The following PRCD variants were observed in gnomAD, a reference collection of about 807,000 sequenced individuals.
The protein encoded by PRCD is photoreceptor disc component.
A neutral mutation model predicts 10.1 loss-of-function variants in PRCD; 12 were observed. The observed-to-expected ratio is 1.18, with a 90% confidence interval of 0.76 to 1.92. The LOEUF (loss-of-function observed/expected upper bound fraction) is 1.92. Ranked by LOEUF, PRCD falls within the 40% of genes most tolerant of loss-of-function variation. The pLI is 0.00. For missense variants in PRCD, 61 were observed against 72.2 expected (o/e 0.84, Z 0.56); for synonymous variants, 31 against 26.2 (o/e 1.18, Z -0.56).
rs1485708148 is a variant in PRCD at position 76,544,777 on chromosome 17, T to C, written c.*1127T>C. 1 of 456,814 alleles carries C rather than the reference T, an allele frequency of 2.2e-6. No homozygotes were observed. Among genetic ancestry groups the C allele is most frequent in the East Asian group, 6.9e-5 (1 of 14,404 alleles). The allele number at this position is 456,814 out of a possible 1,614,324, so 28.3% of individuals were successfully genotyped here. ...CTCTATTTGCCATGTTCCTGTCACC[T>C]CATCCTTGCTGCCATTTCCGAGTTG... On this transcript the variant is annotated 3_prime_UTR_variant, in exon 5 of 5. Transcript: ENST00000592014.
Position 76,531,036 on chromosome 17 carries a change from T to C in PRCD, n.45+3203T>C, listed in dbSNP as rs147352008. 5 of 1,613,660 alleles carry C rather than the reference T, an allele frequency of 3.1e-6. No individual in the cohort carries two copies. Among genetic ancestry groups the C allele is most frequent in the Non-Finnish European group, 3.4e-6 (4 of 1,179,894 alleles). Reference sequence around the variant, plus strand: ...CACTTCCTTGTAGGCAGCGGTCACGTGGCTGTAGATGAGGCCACGCAGCTT... The same window carrying C: ...CACTTCCTTGTAGGCAGCGGTCACGCGGCTGTAGATGAGGCCACGCAGCTT... On this transcript the variant is annotated intron_variant and non_coding_transcript_variant, in intron 1 of 4. Transcript: ENST00000397633. The surrounding 1 kb of genome is among the most constrained non-coding windows in gnomAD (Gnocchi z 7.4).
In PRCD at chr17:76,542,653, C is replaced by G. The variant is rs780098653; in HGVS notation, c.*59+20C>G. 3 of 1,533,482 alleles carry G rather than the reference C, an allele frequency of 2.0e-6. No individual in the cohort carries two copies. The highest frequency in any genetic ancestry group is 1.4e-5 in the African/African-American group (1 of 73,394). 95.0% of individuals were successfully genotyped at this position (1,533,482 alleles called of 1,614,324 possible). ...AGGCAGGTAGGGCAGGGCTGGGAGC[C>G]GGGGAGGGCAGAGGGCAAGGCTTGG... On this transcript the variant is annotated intron_variant, in intron 3 of 4. Transcript: ENST00000592014.
downstream of PRCD, chr17:76,545,420 G>A (rs983741689): frequency 1.3e-5 from 6 of 455,734 alleles, no homozygotes; most frequent in Admixed American, 9.4e-5. Context: ...CTTGCAAAGA[G>A]CCGCTGCTTG....
Position 76,528,454 on chromosome 17 carries a change from G to T in PRCD, n.45+621G>T. The T allele has an allele frequency of 1.1e-6, 1 of 948,456 alleles. No individual in the cohort carries two copies. Among genetic ancestry groups the T allele is most frequent in the Non-Finnish European group, 1.4e-6 (1 of 710,494 alleles). 58.8% of individuals were successfully genotyped at this position (948,456 alleles called of 1,614,324 possible). A position where few individuals can be genotyped will look rare whatever the true frequency, so the allele number is the denominator to read the frequency against. ...CCTGGCCGCCACAGAGGCCTCCTTC[G>T]GGGAAGTTGAGTCAGGGATTCCTCC... On this transcript the variant is annotated intron_variant and non_coding_transcript_variant, in intron 1 of 4. Coordinates refer to the PRCD transcript ENST00000397633. The surrounding 1 kb of genome is among the most constrained non-coding windows in gnomAD (Gnocchi z 5.8).
chr17:76,528,118 GTGTATATATATA>G lies in PRCD; in HGVS notation n.45+299_45+310del, dbSNP rs1394691252. ...GGATACACATTCTAGATATGTATGT[GTGTATATATATA>G]TGTATATATATATTTATATATAGCT... On this transcript the variant is annotated intron_variant and non_coding_transcript_variant, in intron 1 of 4. Transcript: ENST00000397633. This position sits in a 1 kb window ranked among gnomAD's most constrained non-coding sequence, Gnocchi z 5.8. The G allele has an allele frequency of 5.0e-6, 2 of 402,692 alleles. No homozygotes were observed. Among genetic ancestry groups the G allele is most frequent in the Non-Finnish European group, 8.8e-6 (2 of 227,672 alleles). 24.9% of individuals were successfully genotyped at this position (402,692 alleles called of 1,614,324 possible).
At chr17:76,538,332 G>A (rs1598209388), upstream of PRCD, 1 of 327,492 alleles carries the variant, frequency 3.1e-6, no homozygotes, top group South Asian at 2.2e-5. Context: ...GGTTAGCACG[G>A]GGGTCGTCCC....
At chr17:76,536,917 T>C (rs1175657541), upstream of PRCD, among the ~76,000 whole-genome samples, 2 of 152,152 alleles carry the variant, frequency 1.3e-5, no homozygotes, top group East Asian at 3.8e-4. Context: ...CAACCTCTGC[T>C]CTTTGCTCTC....
chr17:76,532,277 C>T (rs543960423), intron 1 of PRCD, among the ~76,000 whole-genome samples: 42 of 152,314 alleles, frequency 2.8e-4, no homozygotes, highest in Middle Eastern at 6.8e-3. Flanking sequence ...CCTGGCTCAG[C>T]GGCTTTACTT....
intron 1 of PRCD, chr17:76,529,531 T>A (rs1021725587): frequency 1.0e-6 from 1 of 985,448 alleles, no homozygotes; most frequent in East Asian, 1.1e-4. Context: ...CAGCCAGCTC[T>A]CTTTCCAGTC....
Position 76,531,199 on chromosome 17 carries a change from C to T in PRCD, n.45+3366C>T. 6.4e-7 allele frequency: 1 copy of T among 1,550,400 alleles called. No individual in the cohort carries two copies. Among genetic ancestry groups the T allele is most frequent in the Non-Finnish European group, 8.8e-7 (1 of 1,135,796 alleles). On this transcript the variant is annotated intron_variant and non_coding_transcript_variant, in intron 1 of 4. Transcript: ENST00000397633. The surrounding 1 kb of genome is among the most constrained non-coding windows in gnomAD (Gnocchi z 7.4). ...GCCCGGGCGCCCTGCGTCCTGCAAC[C>T]CCCAGGCCCCTCCGCCCCACGTGTG... is the stretch of plus-strand genomic sequence containing the variant.
At chr17:76,547,921 CAT>C (rs1262566210), downstream of PRCD, among the ~76,000 whole-genome samples, 5 of 146,040 alleles carry the variant, frequency 3.4e-5, no homozygotes, top group East Asian at 2.0e-4. Flanking sequence ...TTCACACACA[CAT>C]ACACATATAC....
chr17:76,543,779 T>G (rs2075019848), intron 4 of PRCD, 24 bp from the exon 5 acceptor site: 1 of 470,632 alleles, frequency 2.1e-6, no homozygotes, highest in Non-Finnish European at 4.4e-6. Flanking sequence ...GGCACTCGCT[T>G]TTGTGTCATT....
At chr17:76,534,050 G>GAT (rs923858520) in intron 1 of PRCD, among the ~76,000 whole-genome samples, 1 of 151,732 alleles carries the variant, frequency 6.6e-6, no homozygotes, top group African/African-American at 2.4e-5. Flanking sequence ...TAATAACAAT[G>GAT]ATATATATAT....
intron 4 of PRCD, chr17:76,543,430 T>C (rs1365698248): frequency 3.0e-6 from 1 of 336,984 alleles, no homozygotes; most frequent in Non-Finnish European, 5.8e-6. Flanking sequence ...ATAGCTCACA[T>C]TTACTAAGCA....
At chr17:76,535,655 A>G (rs1171367111), upstream of PRCD, among the ~76,000 whole-genome samples, 7 of 152,162 alleles carry the variant, frequency 4.6e-5, no homozygotes. Context: ...CCCCTCTAAG[A>G]GACAGGAGTG....
In PRCD at chr17:76,531,237, A is replaced by G. The variant is rs1015466660; in HGVS notation, n.45+3404A>G. On this transcript the variant is annotated intron_variant and non_coding_transcript_variant, in intron 1 of 4. Coordinates refer to the PRCD transcript ENST00000397633. This position sits in a 1 kb window ranked among gnomAD's most constrained non-coding sequence, Gnocchi z 7.4. ...CGCCCCACGTGTGGCCGAGAGGATC[A>G]TTCCTAACGCAACAGTCTGGCAGCT... 4 of 1,382,036 alleles carry G rather than the reference A, an allele frequency of 2.9e-6. No homozygotes were observed. The highest frequency in any genetic ancestry group is 4.0e-6 in the Non-Finnish European group (4 of 1,007,914). 85.6% of individuals were successfully genotyped at this position (1,382,036 alleles called of 1,614,324 possible).
Position 76,545,368 on chromosome 17 carries a change from G to A in PRCD, c.*1718G>A, listed in dbSNP as rs2075044451. 2.2e-6 allele frequency: 1 copy of A among 456,560 alleles called. No individual in the cohort carries two copies. The highest frequency in any genetic ancestry group is 4.4e-6 in the Non-Finnish European group (1 of 226,970). The allele number at this position is 456,560 out of a possible 1,614,324, so 28.3% of individuals were successfully genotyped here. A position where few individuals can be genotyped will look rare whatever the true frequency, so the allele number is the denominator to read the frequency against. On this transcript the variant is annotated 3_prime_UTR_variant, in exon 5 of 5. Transcript: ENST00000592014. ...AATGGGGGAATTAAATCCTGACTAT[G>A]ACACTGTCCCCACTGAGGCTGAGTC...
chr17:76,550,693 C>A (rs181209229), intron 1 of PRCD: 1 of 152,114 alleles, frequency 6.6e-6, no homozygotes, highest in Non-Finnish European at 1.5e-5. Flanking sequence ...GTAAGTTACA[C>A]GAGAATAAAG....
downstream of PRCD, among the ~76,000 whole-genome samples, chr17:76,548,868 T>C (rs927448367): frequency 4.6e-5 from 7 of 152,214 alleles, no homozygotes; most frequent in African/African-American, 1.7e-4. Context: ...CACAGGACAG[T>C]GACCCCATGA....
Sources: allele counts gnomAD v4.1 joint callset (sites outside exome capture counted in the v4.1 genomes callset), GRCh38; gene constraint gnomAD v4.1.1; non-coding constraint Gnocchi (gnomAD v3.1); transcripts MANE v1.5; gene names NCBI Gene and HGNC (gene_info 2026-07-23, HGNC 2026-07-21).